LCOR: variants seen among roughly 807,000 people sequenced by gnomAD.
LCOR encodes the protein ligand dependent nuclear receptor corepressor, also known as ligand-dependent corepressor.
Under a neutral mutation model 64.4 loss-of-function variants are expected in LCOR, and 14 were observed. The ratio of observed to expected loss-of-function variants is 0.22; its 90% CI spans 0.14 to 0.34. The LOEUF is 0.34. Among genes scored for constraint, LCOR ranks in the 10% least tolerant of loss-of-function variants. The pLI, the probability that LCOR is intolerant of heterozygous loss-of-function variation, is 1.00. For missense variants in LCOR, 1,686 were observed against 1,765.3 expected (o/e 0.96, Z 0.80); for synonymous variants, 643 against 642.5 (o/e 1.00, Z -0.01).
At position 96,984,161 on chromosome 10, in the gene LCOR, G is replaced by A. The variant is rs1315008906; in HGVS notation, c.3701G>A (p.Arg1234His). Residue 1234 changes from arginine (R) to histidine (H), a missense_variant, in exon 8 of 8, where the codon CGC becomes CAC. Physicochemically the swap from Arg to His is conservative, Grantham distance 29 (BLOSUM62 0). Around this residue, in one of 3 missense-constraint regions of LCOR, gnomAD observed 1,293 missense variants for 1,410.4 expected, o/e 0.92. Transcript: ENST00000421806. ...TATCCCAGTTCACTACAGGCTGAGC[G>A]CTTGAAAAAGCACTTGAAGAAATTT... The part of the protein sequence containing the change: ...SLYPSSLQAE[R>H]LKKHLKKFPG... The A allele has an allele frequency of 5.0e-6, 8 of 1,613,946 alleles. No homozygotes were observed. Among genetic ancestry groups the A allele is most frequent in the East Asian group, 2.2e-5 (1 of 44,884 alleles).
rs1220073054 is a variant in LCOR, at chr10:96,888,397, G to T, written c.-329-18868G>T. 1.8e-5 allele frequency among the ~76,000 whole-genome samples: 2 copies of T among 108,142 alleles called. 1 individual carries two copies. The highest frequency in any genetic ancestry group is 7.2e-5 in the African/African-American group (2 of 27,846). 70.9% of individuals were successfully genotyped at this position (108,142 alleles called of 152,430 possible). Reference sequence around the variant, plus strand: ...AAAAAAAAAAAAAAAAAAAAGAACAGTATATATTGTCAATTTCAGCTTCCA... The same window carrying T: ...AAAAAAAAAAAAAAAAAAAAGAACATTATATATTGTCAATTTCAGCTTCCA... On this transcript the variant is annotated intron_variant, in intron 2 of 7. Coordinates refer to ENST00000421806, the MANE Select transcript of LCOR (RefSeq NM_001346516.2).
Position 96,987,757 on chromosome 10 carries a change from T to A in LCOR, c.*2623T>A, listed in dbSNP as rs780094497. ...GAAAACAGCAAAACTTGAGGGCTAA[T>A]CCTGCAAGGCCCTTTGATACCTACA... On this transcript the variant is annotated 3_prime_UTR_variant, in exon 8 of 8. Coordinates refer to ENST00000421806, the MANE Select transcript of LCOR (RefSeq NM_001346516.2). The A allele has an allele frequency of 1.2e-4, 18 of 152,234 alleles. No individual in the cohort carries two copies. Among genetic ancestry groups the A allele is most frequent in the Non-Finnish European group, 2.5e-4 (17 of 68,032 alleles). 9.4% of individuals were successfully genotyped at this position (152,234 alleles called of 1,614,324 possible). A position where few individuals can be genotyped will look rare whatever the true frequency, so the allele number is the denominator to read the frequency against.
intron 2 of LCOR, among the ~76,000 whole-genome samples, chr10:96,881,433 A>C (rs753504097): frequency 9.2e-5 from 14 of 151,772 alleles, no homozygotes; most frequent in Non-Finnish European, 2.1e-4. Flanking sequence ...GCTTTGTGAT[A>C]TAAAGAGATT....
chr10:96,858,436 G>C (rs950780464), intron 2 of LCOR, among the ~76,000 whole-genome samples: 2 of 152,144 alleles, frequency 1.3e-5, no homozygotes, highest in African/African-American at 4.8e-5. Context: ...AAATGTTCAT[G>C]ATCCTTCCAG....
intron 7 of LCOR, among the ~76,000 whole-genome samples, chr10:96,975,538 G>A (rs1564644253): frequency 6.6e-6 from 1 of 151,288 alleles, no homozygotes; most frequent in Non-Finnish European, 1.5e-5. Flanking sequence ...TCAGTAAATG[G>A]TGCTGCCCAG....
chr10:96,928,186 C>T (rs2134484658), intron 4 of LCOR, among the ~76,000 whole-genome samples: 1 of 152,264 alleles, frequency 6.6e-6, no homozygotes, highest in South Asian at 2.1e-4. Flanking sequence ...GGAAAGATTT[C>T]TCTGTAGCAT....
At chr10:96,832,587 C>T (rs1413728968) in intron 1 of LCOR, among the ~76,000 whole-genome samples, 188 bp downstream of exon 1, 3 of 145,800 alleles carry the variant, frequency 2.1e-5, no homozygotes, top group East Asian at 2.1e-4. Flanking sequence ...CTCCCCTGCT[C>T]GGCCGAGCGC....
chr10:96,951,801 A>G (rs929752310), intron 6 of LCOR, among the ~76,000 whole-genome samples: 53 of 152,038 alleles, frequency 3.5e-4, no homozygotes, highest in Non-Finnish European at 3.8e-4. Context: ...ATAACAGAGG[A>G]CCTCATGCTA....
Position 96,984,497 on chromosome 10 carries a change from G to A in LCOR, c.4037G>A (p.Arg1346His), listed in dbSNP as rs779417135. 1.8e-5 allele frequency: 29 copies of A among 1,614,070 alleles called. No individual in the cohort carries two copies. The highest frequency in any genetic ancestry group is 6.7e-5 in the African/African-American group (5 of 74,942). ...DALAVESKPS[R>H]KSVCINPLMS... ...CTGGCTGTGGAAAGTAAGCCAAGTC[G>A]TAAGAGCGTATGCATCAACCCTCTG... Residue 1346 changes from arginine (R) to histidine (H), a missense_variant, in exon 8 of 8, where the codon CGT becomes CAT. This residue lies in a region of LCOR where 1,293 missense variants were observed against 1,410.4 expected (regional missense o/e 0.92). Coordinates refer to ENST00000421806, the MANE Select transcript of LCOR (RefSeq NM_001346516.2).
At chr10:96,922,530 C>T (rs1315754729) in intron 4 of LCOR, among the ~76,000 whole-genome samples, 1 of 152,130 alleles carries the variant, frequency 6.6e-6, no homozygotes, top group Non-Finnish European at 1.5e-5. Flanking sequence ...TTGTAATAGT[C>T]TTAGCCAAAG....
intron 7 of LCOR, chr10:96,964,062 T>C (rs1481847557): frequency 1.3e-5 from 2 of 152,214 alleles, no homozygotes; most frequent in Non-Finnish European, 2.9e-5. Flanking sequence ...ATTTGAACTT[T>C]TTGTTCCTTG....
At chr10:96,833,365 G>A in intron 1 of LCOR, 41 bp from the exon 2 acceptor site, 3 of 981,186 alleles carry the variant, frequency 3.1e-6, no homozygotes, top group Non-Finnish European at 2.4e-6. Flanking sequence ...GCCGAGCTGC[G>A]CCTCTCACAC....
chr10:96,909,793 T>C (rs908411085), intron 4 of LCOR, among the ~76,000 whole-genome samples: 3 of 152,162 alleles, frequency 2.0e-5, no homozygotes, highest in East Asian at 3.8e-4. Flanking sequence ...TTAATCTGGC[T>C]CCAAAAAGAG....
chr10:96,874,943 C>A (rs1846138711), intron 2 of LCOR, among the ~76,000 whole-genome samples: 1 of 151,970 alleles, frequency 6.6e-6, no homozygotes, highest in Non-Finnish European at 1.5e-5. Context: ...GCCTGTCAAT[C>A]TCTTTAATTA....
chr10:96,966,547 A>C (rs1366852239), intron 7 of LCOR, among the ~76,000 whole-genome samples: 1 of 151,988 alleles, frequency 6.6e-6, no homozygotes, highest in Non-Finnish European at 1.5e-5. Flanking sequence ...AACAAACACT[A>C]TTCAAATATA....
At chr10:96,953,426 C>T (rs1847715515) in intron 7 of LCOR, among the ~76,000 whole-genome samples, 1 of 152,052 alleles carries the variant, frequency 6.6e-6, no homozygotes, top group African/African-American at 2.4e-5. Context: ...GTGGTGTGCA[C>T]CTGTAGTCCA....
chr10:96,961,997 C>A (rs1847888879), intron 7 of LCOR: 1 of 151,760 alleles, frequency 6.6e-6, no homozygotes, highest in Admixed American at 6.6e-5. Context: ...AGGGATAATT[C>A]AGCACTTTTT....
chr10:96,964,627 A>C (rs572896977), intron 7 of LCOR, among the ~76,000 whole-genome samples: 2 of 152,188 alleles, frequency 1.3e-5, no homozygotes, highest in East Asian at 3.9e-4. Context: ...TTTCATATTC[A>C]GGTGCAATAT....
intron 4 of LCOR, among the ~76,000 whole-genome samples, chr10:96,912,515 C>T (rs1846856816): frequency 6.6e-6 from 1 of 152,194 alleles, no homozygotes; most frequent in Non-Finnish European, 1.5e-5. Flanking sequence ...ATTCTTCGTG[C>T]ATCATGTCAG....
Sources: allele counts gnomAD v4.1 joint callset (sites outside exome capture counted in the v4.1 genomes callset), GRCh38; gene constraint gnomAD v4.1.1; regional missense constraint gnomAD v4.1.1; transcripts MANE v1.5; gene names NCBI Gene and HGNC (gene_info 2026-07-23, HGNC 2026-07-21).